Variants in TENM2 observed in about 807,000 individuals in gnomAD.
TENM2 encodes teneurin-2.
TENM2 carries 52 observed loss-of-function variants against 245.2 expected under a neutral mutation model. The observed-to-expected ratio is 0.21, with a 90% CI of 0.17 to 0.27. The LOEUF is 0.27. TENM2 is among the 10% of genes least tolerant of loss of function. The pLI is 1.00. For missense variants in TENM2, 3,046 were observed against 3,666.8 expected, an observed-to-expected ratio of 0.83 and a Z score of 4.37; for synonymous variants, 1,363 against 1,438.9, an observed-to-expected ratio of 0.95 and a Z score of 1.19.
chr5:167,157,914 ATG>A, the TENM2 span, among the ~76,000 whole-genome samples: 2,649 of 152,294 alleles, frequency 0.017, 83 homozygotes, highest in African/African-American at 0.06. Context: ...GTTATTTATA[ATG>A]TACAATGAGA....
intron 2 of TENM2, among the ~76,000 whole-genome samples, chr5:167,463,116 G>C (rs1353077731): frequency 1.3e-5 from 2 of 152,036 alleles, no homozygotes; most frequent in East Asian, 3.9e-4. Context: ...TGTTTATAAG[G>C]CATATAAACA....
chr5:167,971,895 A>G (rs1781823166), intron 4 of TENM2, among the ~76,000 whole-genome samples: 1 of 152,182 alleles, frequency 6.6e-6, no homozygotes, highest in African/African-American at 2.4e-5. Flanking sequence ...AGAAAGTTCC[A>G]CAACACGCCA....
intron 4 of TENM2, among the ~76,000 whole-genome samples, chr5:167,984,879 C>T (rs1783120181): frequency 6.6e-6 from 1 of 152,110 alleles, no homozygotes; most frequent in Non-Finnish European, 1.5e-5. Context: ...ATGTCTCTGT[C>T]TCTGTCTGTC....
At chr5:168,079,826 G>A (rs1367639192) in intron 7 of TENM2, among the ~76,000 whole-genome samples, 1 of 152,188 alleles carries the variant, frequency 6.6e-6, no homozygotes, top group Non-Finnish European at 1.5e-5. Flanking sequence ...GCTGGATTCG[G>A]TTTGCCAGTA....
chr5:167,992,831 C>T, intron 4 of TENM2, 113 bp from the exon 7 acceptor site: 1 of 747,178 alleles, frequency 1.3e-6, no homozygotes, highest in South Asian at 1.8e-5. Context: ...CCAGGGTAAG[C>T]TTAGTTAACT....
At chr5:168,166,273 C>T (rs545310075) in intron 13 of TENM2, among the ~76,000 whole-genome samples, 23 of 152,036 alleles carry the variant, frequency 1.5e-4, no homozygotes, top group East Asian at 1.9e-4. Flanking sequence ...ATTTCATGAA[C>T]GAGCAAAATA....
At chr5:167,683,269 G>C (rs954967153) in intron 2 of TENM2, among the ~76,000 whole-genome samples, 10 of 122,642 alleles carry the variant, frequency 8.2e-5, no homozygotes, top group Non-Finnish European at 1.5e-4. Context: ...TTCCCCCCCT[G>C]GGCATCAGAA....
At chr5:167,907,048 C>T (rs1025637347) in intron 3 of TENM2, among the ~76,000 whole-genome samples, 5 of 151,992 alleles carry the variant, frequency 3.3e-5, no homozygotes, top group Admixed American at 2.6e-4. Flanking sequence ...GCCTGACCAA[C>T]ATGAAGAAAC....
the TENM2 span, among the ~76,000 whole-genome samples, chr5:167,267,947 T>C: frequency 2.9e-3 from 441 of 152,300 alleles, 5 homozygotes; most frequent in African/African-American, 0.01. Flanking sequence ...TACAGGTTTG[T>C]ATAAATGAAC....
chr5:167,693,483 T>C (rs947886528), intron 2 of TENM2, among the ~76,000 whole-genome samples: 6 of 152,204 alleles, frequency 3.9e-5, no homozygotes, highest in Admixed American at 6.5e-5. Context: ...CAATTTTAGC[T>C]TGATTCGGGC....
chr5:167,206,384 GT>G, the TENM2 span, among the ~76,000 whole-genome samples: 7 of 152,246 alleles, frequency 4.6e-5, no homozygotes, highest in East Asian at 9.7e-4. Context: ...TGAGCTATTA[GT>G]TTTTTTGTCC....
the TENM2 span, among the ~76,000 whole-genome samples, chr5:167,160,875 A>T: frequency 6.6e-6 from 1 of 152,194 alleles, no homozygotes; most frequent in African/African-American, 2.4e-5. Context: ...TGGAATGTAA[A>T]ATTGGAATGA....
chr5:167,452,962 T>TATA (rs1406197551), intron 2 of TENM2, among the ~76,000 whole-genome samples: 15 of 96,786 alleles, frequency 1.5e-4, no homozygotes, highest in Middle Eastern at 5.3e-3. Flanking sequence ...TATATATATA[T>TATA]TTAAAAAAAA....
At chr5:167,657,317 CT>C (rs1263625396) in intron 2 of TENM2, among the ~76,000 whole-genome samples, 2 of 152,160 alleles carry the variant, frequency 1.3e-5, no homozygotes, top group Admixed American at 6.5e-5. Flanking sequence ...GGATTTCATT[CT>C]TTTTTTGAGG....
At chr5:167,465,575 A>G (rs886284907) in intron 2 of TENM2, among the ~76,000 whole-genome samples, 1 of 152,196 alleles carries the variant, frequency 6.6e-6, no homozygotes, top group Non-Finnish European at 1.5e-5. Flanking sequence ...CACGCCTGTA[A>G]TCCCAGCGCT....
At chr5:167,141,655 G>A in the TENM2 span, among the ~76,000 whole-genome samples, 2,144 of 152,024 alleles carry the variant, frequency 0.014, 52 homozygotes, top group African/African-American at 0.047. Context: ...CTTTTTTATT[G>A]CATTAGGTGT....
chr5:167,597,045 C>T (rs561109997), intron 2 of TENM2, among the ~76,000 whole-genome samples: 1 of 152,176 alleles, frequency 6.6e-6, no homozygotes, highest in Admixed American at 6.5e-5. Flanking sequence ...AGTTTTCAGT[C>T]CTCACACACA....
chr5:167,521,426 C>G lies in TENM2; in HGVS notation c.502+145953C>G, dbSNP rs148738192. On this transcript the variant is annotated intron_variant, in intron 2 of 28. Transcript: ENST00000518659. The stretch of plus-strand genomic sequence containing the variant: ...TCCATTGACTTTGAACAAATAGGCT[C>G]TGGCGTAGCTAGAATTAGACATGGT... Among the ~76,000 whole-genome samples the G allele has an allele frequency of 3.7e-3, 567 of 152,276 alleles. 4 individuals carry two copies. The highest frequency in any genetic ancestry group is 0.013 in the African/African-American group (529 of 41,574).
At chr5:167,022,925 A>C in the TENM2 span, among the ~76,000 whole-genome samples, 1 of 152,336 alleles carries the variant, frequency 6.6e-6, no homozygotes, top group East Asian at 1.9e-4. Context: ...TAAATGTTCA[A>C]ATGTATGCTA....
Sources: gnomAD v4.1 joint callset for allele counts (sites outside exome capture counted in the v4.1 genomes callset) on GRCh38, gnomAD v4.1.1 for gene constraint, MANE v1.5 for transcripts, NCBI Gene and HGNC (gene_info 2026-07-23, HGNC 2026-07-21) for gene names.